The following CCNL2 variants were observed in gnomAD, a reference collection of about 807,000 sequenced individuals.
The protein encoded by CCNL2 is cyclin L2.
Under a neutral mutation model 59.1 loss-of-function variants are expected in CCNL2, and 28 were observed. The observed-to-expected ratio is 0.47, with a 90% confidence interval of 0.35 to 0.65. CCNL2 has a LOEUF of 0.65. CCNL2 is among the 30% of genes least tolerant of loss of function. The pLI, the probability that CCNL2 is intolerant of heterozygous loss-of-function variation, is 0.00. For synonymous variants in CCNL2, 342 were observed against 288.6 expected (o/e 1.19, Z -1.88); for missense variants, 714 against 717.4 (o/e 1.00, Z 0.05).
chr1:1,387,332 G>A lies in CCNL2; in HGVS notation c.1462C>T (p.His488Tyr), dbSNP rs764125593. 9.0e-5 allele frequency: 145 copies of A among 1,613,984 alleles called. No homozygotes were observed. Among genetic ancestry groups the A allele is most frequent in the Non-Finnish European group, 1.1e-4 (134 of 1,180,048 alleles). ...DNPGKYKKKS[H>Y]YYRDQRRERS... ...TCTCGTCGCTGATCTCTGTAGTAATGACTTTTCTTCTTGTATTTTCCCGGA... is the reference window on the plus strand; with the variant it reads ...TCTCGTCGCTGATCTCTGTAGTAATAACTTTTCTTCTTGTATTTTCCCGGA... Residue 488 changes from histidine (H) to tyrosine (Y), a missense_variant, in exon 11 of 11, where the codon CAT (histidine) becomes TAT (tyrosine). Coordinates refer to ENST00000400809, the MANE Select transcript of CCNL2 (RefSeq NM_030937.6).
intron 10 of CCNL2, 63 bp downstream of exon 10, chr1:1,387,714 G>T: frequency 6.8e-7 from 1 of 1,480,450 alleles, no homozygotes; most frequent in Non-Finnish European, 9.2e-7. Flanking sequence ...GGGTGAGAAT[G>T]ATTACCCCGA....
intron 5 of CCNL2, chr1:1,392,199 T>C (rs1644798446): frequency 5.9e-6 from 3 of 506,650 alleles, no homozygotes; most frequent in Non-Finnish European, 7.7e-6. Context: ...ATCAGTAACC[T>C]TTCGGTGTCT....
At chr1:1,398,931 G>C in intron 1 of CCNL2, 88 bp downstream of exon 1, 2 of 1,461,948 alleles carry the variant, frequency 1.4e-6, no homozygotes, top group Non-Finnish European at 1.8e-6. Flanking sequence ...GGTCTAGGCG[G>C]GGGCGGTGCG....
chr1:1,388,832 T>G (rs1482512945), intron 8 of CCNL2: 1 of 384,384 alleles, frequency 2.6e-6, no homozygotes, highest in Admixed American at 3.9e-5. Context: ...TCCCAGCACT[T>G]TGGGAGGCCA....
intron 4 of CCNL2, among the ~76,000 whole-genome samples, chr1:1,393,683 C>G (rs1167909423): frequency 6.6e-6 from 1 of 152,244 alleles, no homozygotes; most frequent in Non-Finnish European, 1.5e-5. Context: ...AGCCACACAA[C>G]CCACGGCACA....
chr1:1,396,038 G>T (rs554199098), intron 3 of CCNL2, among the ~76,000 whole-genome samples: 2 of 151,726 alleles, frequency 1.3e-5, no homozygotes, highest in African/African-American at 2.4e-5. Context: ...AATTAGCCGG[G>T]CGTGGTGGCG....
rs989054178 is a variant in CCNL2, at chr1:1,386,016, C to T, written c.*1215G>A. ...CACTAGCCCCGGCCTATATGTCCCA[C>T]TGCCCTAGTAAGTCCAAACGGTACC... On this transcript the variant is annotated 3_prime_UTR_variant, in exon 11 of 11. Transcript: ENST00000400809. 6.6e-6 allele frequency: 1 copy of T among 152,262 alleles called. No homozygotes were observed. Among genetic ancestry groups the T allele is most frequent in the African/African-American group, 2.4e-5 (1 of 41,464 alleles). The allele number at this position is 152,262 out of a possible 1,614,324, so 9.4% of individuals were successfully genotyped here.
chr1:1,388,680 A>G (rs995867176), intron 8 of CCNL2: 10 of 430,990 alleles, frequency 2.3e-5, no homozygotes, highest in Non-Finnish European at 4.1e-5. Context: ...CTGAGGCACA[A>G]GAATCACCAG....
chr1:1,392,593 T>C, intron 5 of CCNL2: 1 of 1,429,886 alleles, frequency 7.0e-7, no homozygotes, highest in Non-Finnish European at 9.1e-7. Context: ...TCAATACGAT[T>C]ACCAAAGCAC....
chr1:1,397,837 C>T (rs1645127129), intron 3 of CCNL2, among the ~76,000 whole-genome samples: 1 of 152,122 alleles, frequency 6.6e-6, no homozygotes, highest in Non-Finnish European at 1.5e-5. Flanking sequence ...CGCACTCTGC[C>T]CTGGACAACA....
At chr1:1,396,587 T>C (rs576469566) in intron 3 of CCNL2, among the ~76,000 whole-genome samples, 1 of 142,988 alleles carries the variant, frequency 7.0e-6, no homozygotes, top group African/African-American at 2.6e-5. Context: ...TTTTTTTTTT[T>C]TTTTTTTTTT....
intron 5 of CCNL2, 199 bp downstream of exon 5, chr1:1,393,197 G>A (rs1644841218): frequency 6.7e-6 from 4 of 597,058 alleles, no homozygotes; most frequent in African/African-American, 5.6e-5. Context: ...TTGCAGGGAG[G>A]GGACGGGCCA....
At chr1:1,391,684 T>C (rs1644770465) in intron 5 of CCNL2, 1 of 612,480 alleles carries the variant, frequency 1.6e-6, no homozygotes, top group East Asian at 8.5e-5. Context: ...TCTTTAACTT[T>C]CATATTTAGA....
Position 1,386,669 on chromosome 1 carries a change from C to G in CCNL2, c.*562G>C, listed in dbSNP as rs1253599636. On this transcript the variant is annotated 3_prime_UTR_variant, in exon 11 of 11. Coordinates refer to ENST00000400809, the MANE Select transcript of CCNL2 (RefSeq NM_030937.6). Reference sequence around the variant, plus strand: ...CAGGATTCCCTACACAAGTTTTAAGCTGACGGGATTCAAGTTCTGAGTTTT... The same window carrying G: ...CAGGATTCCCTACACAAGTTTTAAGGTGACGGGATTCAAGTTCTGAGTTTT... 6.5e-6 allele frequency: 1 copy of G among 152,718 alleles called. No homozygotes were observed. Among genetic ancestry groups the G allele is most frequent in the East Asian group, 1.9e-4 (1 of 5,208 alleles). 9.5% of individuals were successfully genotyped at this position (152,718 alleles called of 1,614,324 possible).
intron 10 of CCNL2, 73 bp downstream of exon 10, chr1:1,387,704 G>C: frequency 6.9e-7 from 1 of 1,453,768 alleles, no homozygotes; most frequent in Non-Finnish European, 9.4e-7. Context: ...AACCACCTCA[G>C]GGTGAGAATG....
At chr1:1,397,573 A>G (rs1292363309) in intron 3 of CCNL2, among the ~76,000 whole-genome samples, 1 of 152,166 alleles carries the variant, frequency 6.6e-6, no homozygotes, top group Non-Finnish European at 1.5e-5. Context: ...ACAACTAAAG[A>G]TTACCCAGCC....
chr1:1,393,397 A>G lies in CCNL2; in HGVS notation c.658T>C (p.Trp220Arg). The G allele has an allele frequency of 6.2e-7, 1 of 1,613,820 alleles. No homozygotes were observed. Among genetic ancestry groups the G allele is most frequent in the Non-Finnish European group, 8.5e-7 (1 of 1,179,686 alleles). ...ERNQHLVQTS[W>R]NYMNDSLRTD... ...ATAAAACAAGGAAGCTCAACTCACC[A>G]TGAGGTCTGGACCAGGTGTTGGTTA... Residue 220 changes from tryptophan to arginine, a missense_variant and splice_region_variant, in exon 5 of 11, where the codon TGG becomes CGG. This residue lies in a region of CCNL2 where 19 missense variants were observed against 20.1 expected (regional missense o/e 0.94). Coordinates refer to ENST00000400809, the MANE Select transcript of CCNL2 (RefSeq NM_030937.6).
chr1:1,398,111 A>C, intron 3 of CCNL2, 122 bp downstream of exon 3: 1 of 923,072 alleles, frequency 1.1e-6, no homozygotes, highest in Non-Finnish European at 1.6e-6. Flanking sequence ...GACTGCGCTC[A>C]TGAATATCCC....
At chr1:1,387,927 G>C (rs780669107) in intron 9 of CCNL2, 27 bp downstream of exon 9, 1 of 1,613,122 alleles carries the variant, frequency 6.2e-7, no homozygotes, top group South Asian at 1.1e-5. Context: ...AACCCTGACA[G>C]CCACCTGGGC....
Sources: allele counts gnomAD v4.1 joint callset (sites outside exome capture counted in the v4.1 genomes callset), GRCh38; gene constraint gnomAD v4.1.1; regional missense constraint gnomAD v4.1.1; transcripts MANE v1.5; gene names NCBI Gene and HGNC (gene_info 2026-07-23, HGNC 2026-07-21).